The following FTSJ3 variants were observed in gnomAD, a reference collection of about 807,000 sequenced individuals.
FTSJ3 encodes the protein pre-rRNA 2'-O-ribose RNA methyltransferase FTSJ3.
FTSJ3 carries 46 observed loss-of-function variants against 111.5 expected under a neutral mutation model. That is an observed-to-expected ratio of 0.41 (90% CI 0.33 to 0.53). FTSJ3 has a LOEUF of 0.53. Ranked by LOEUF, FTSJ3 falls within the 20% of genes least tolerant of loss-of-function variation. The pLI is 0.19. For missense variants in FTSJ3, 1,075 were observed against 1,063.8 expected, an observed-to-expected ratio of 1.01 and a Z score of -0.15; for synonymous variants, 408 against 383.0, an observed-to-expected ratio of 1.07 and a Z score of -0.76.
chr17:63,826,158 A>G (rs764616472), intron 4 of FTSJ3, 23 bp from the exon 5 acceptor site: 5 of 1,613,108 alleles, frequency 3.1e-6, no homozygotes, highest in Non-Finnish European at 4.2e-6. Context: ...AGGTCAGAGT[A>G]TTCTAAAAGG....
rs202150531 is a variant in FTSJ3 at position 63,826,155 on chromosome 17, A to C, written c.221-20T>G. On this transcript the variant is annotated intron_variant, in intron 4 of 20. Coordinates refer to ENST00000427159, the MANE Select transcript of FTSJ3 (RefSeq NM_017647.4). ...CCACTCCTGGAAGAAATCAGGTCAG[A>C]GTATTCTAAAAGGTTGCTTCAAGCA... is the stretch of plus-strand genomic sequence containing the variant. 652 of 1,613,206 alleles carry C rather than the reference A, an allele frequency of 4.0e-4. No homozygotes were observed. Among genetic ancestry groups the C allele is most frequent in the Non-Finnish European group, 5.1e-4 (598 of 1,179,232 alleles).
chr17:63,820,394 A>G lies in FTSJ3; in HGVS notation c.2117T>C (p.Val706Ala). The G allele has an allele frequency of 6.2e-7, 1 of 1,614,026 alleles. No individual in the cohort carries two copies. The highest frequency in any genetic ancestry group is 8.5e-7 in the Non-Finnish European group (1 of 1,180,028). The change falls in exon 19 of 21, where the codon GTG (valine) becomes GCG (alanine). Residue 706 changes from valine (V) to alanine (A), a missense_variant. Coordinates refer to ENST00000427159, the MANE Select transcript of FTSJ3 (RefSeq NM_017647.4). Reference protein sequence around the residue: ...EDEGELPEWFVQEEKQHRIRQ... With the variant: ...EDEGELPEWFAQEEKQHRIRQ... ...TATCCGGTGCTGCTTTTCCTCTTGC[A>G]CAAACCACTCCGGAAGCTCCCCCTC...
At chr17:63,825,499 A>G (rs758619534) in intron 6 of FTSJ3, 37 bp downstream of exon 6, 1 of 1,610,216 alleles carries the variant, frequency 6.2e-7, no homozygotes, top group Non-Finnish European at 8.5e-7. Context: ...GCCCACCTCC[A>G]CCATCACCTG....
intron 1 of FTSJ3, 23 bp from the exon 2 acceptor site, chr17:63,826,951 G>T (rs368755704): frequency 1.3e-6 from 2 of 1,494,632 alleles, no homozygotes; most frequent in African/African-American, 2.8e-5. Flanking sequence ...TAGAAGTTGG[G>T]AACGTCTCTT....
chr17:63,820,057 C>T (rs1438210282), intron 20 of FTSJ3, 22 bp downstream of exon 20: 2 of 1,614,052 alleles, frequency 1.2e-6, no homozygotes, highest in South Asian at 2.2e-5. Flanking sequence ...CCCTGTGTAC[C>T]TTTGTGGTGT....
In FTSJ3 at chr17:63,826,279, G is replaced by C. The variant is rs140700881; in HGVS notation, c.199C>G (p.Pro67Ala). 1 of 1,614,136 alleles carries C rather than the reference G, an allele frequency of 6.2e-7. No individual in the cohort carries two copies. Among genetic ancestry groups the C allele is most frequent in the East Asian group, 2.2e-5 (1 of 44,874 alleles). The part of the protein sequence containing the change: ...GWLQVAAKFM[P>A]VSSLIVGVDL... ...TCACCCACAATAAGGCTGGATACAGGCATAAACTTGGCAGCTACCTGCAGC... is the reference window on the plus strand; with the variant it reads ...TCACCCACAATAAGGCTGGATACAGCCATAAACTTGGCAGCTACCTGCAGC... The change falls in exon 4 of 21, where the codon CCT (proline) becomes GCT (alanine). Residue 67 changes from proline to alanine, a missense_variant. Around this residue, in one of 2 missense-constraint regions of FTSJ3, gnomAD observed 208 missense variants for 266.9 expected, o/e 0.78. Coordinates refer to ENST00000427159, the MANE Select transcript of FTSJ3 (RefSeq NM_017647.4).
In FTSJ3 at chr17:63,824,658, A is replaced by G. The variant is rs768334485; in HGVS notation, c.896T>C (p.Val299Ala). The G allele has an allele frequency of 3.3e-5, 53 of 1,613,056 alleles. No homozygotes were observed. Among genetic ancestry groups the G allele is most frequent in the Non-Finnish European group, 4.3e-5 (51 of 1,179,734 alleles). ...DIRVCCQDIRVLGRKELRSLL... is the reference protein window; with the variant it reads ...DIRVCCQDIRALGRKELRSLL... ...ATACCTGAGCTCCTTGCGCCCCAAC[A>G]CTCTGATGTCCTGACAGCACACCCG... is the stretch of plus-strand genomic sequence containing the variant. Residue 299 changes from valine to alanine, a missense_variant, in exon 10 of 21, where the codon GTG (valine) becomes GCG (alanine). By Grantham distance (64) the Val-to-Ala change is moderately conservative (BLOSUM62 0). This residue lies in a region of FTSJ3 where 867 missense variants were observed against 796.9 expected (regional missense o/e 1.09). Coordinates refer to ENST00000427159, the MANE Select transcript of FTSJ3 (RefSeq NM_017647.4).
Position 63,823,848 on chromosome 17 carries a change from A to G in FTSJ3, c.1259T>C (p.Met420Thr), listed in dbSNP as rs560652403. The change falls in exon 13 of 21, where the codon ATG (methionine) becomes ACG (threonine). Residue 420 changes from methionine (M) to threonine (T), a missense_variant. Met to Thr is a moderately conservative substitution (Grantham distance 81, BLOSUM62 -1). Around this residue, in one of 2 missense-constraint regions of FTSJ3, gnomAD observed 867 missense variants for 796.9 expected, o/e 1.09. Coordinates refer to ENST00000427159, the MANE Select transcript of FTSJ3 (RefSeq NM_017647.4). ...VSIADEGETGMFSLSTIRGHQ... is the reference protein window; with the variant it reads ...VSIADEGETGTFSLSTIRGHQ... Reference sequence around the variant, plus strand: ...ACCCCGGATGGTGCTCAAGGAGAACATGCCAGTCTCCCCCTCGTCTGCAAT... The same window carrying G: ...ACCCCGGATGGTGCTCAAGGAGAACGTGCCAGTCTCCCCCTCGTCTGCAAT... 6.2e-7 allele frequency: 1 copy of G among 1,614,098 alleles called. No individual in the cohort carries two copies. Among genetic ancestry groups the G allele is most frequent in the Non-Finnish European group, 8.5e-7 (1 of 1,180,008 alleles).
At chr17:63,826,710 G>A in intron 2 of FTSJ3, 38 bp from the exon 3 acceptor site, 2 of 1,579,002 alleles carry the variant, frequency 1.3e-6, no homozygotes, top group South Asian at 1.1e-5. Context: ...TGCTTCACTA[G>A]TAGGATTTCT....
chr17:63,821,160 ACTC>A lies in FTSJ3; in HGVS notation c.1887-48_1887-46del, dbSNP rs754809157. 5 of 1,595,520 alleles carry A rather than the reference ACTC, an allele frequency of 3.1e-6. No homozygotes were observed. In the East Asian group the frequency reaches 1.1e-4, roughly 36 times the overall value. On this transcript the variant is annotated intron_variant, in intron 16 of 20. Coordinates refer to ENST00000427159, the MANE Select transcript of FTSJ3 (RefSeq NM_017647.4). ...CTGAGTGATTCCACCACTCTGTACT[ACTC>A]AGACCGCACTCCCACGGAATTTGCA...
intron 16 of FTSJ3, 71 bp downstream of exon 16, chr17:63,821,283 A>G (rs1598348763): frequency 6.5e-7 from 1 of 1,532,622 alleles, no homozygotes; most frequent in African/African-American, 1.4e-5. Context: ...AAGATTAAGA[A>G]CCCCCAATTT....
At position 63,822,089 on chromosome 17, in the gene FTSJ3, A is replaced by G. The variant is rs1458685970; in HGVS notation, c.1370T>C (p.Val457Ala). Residue 457 changes from valine (V) to alanine (A), a missense_variant, in exon 14 of 21, where the codon GTG becomes GCG. Val to Ala is a moderately conservative substitution (Grantham distance 64). Coordinates refer to ENST00000427159, the MANE Select transcript of FTSJ3 (RefSeq NM_017647.4). ...LSDLPRDDIY[V>A]SDVEDDGDDT... ...ATCACCGTCGTCCTCAACATCTGAC[A>G]CATAGATATCATCCCTTGGCAGATC... 19 of 1,614,230 alleles carry G rather than the reference A, an allele frequency of 1.2e-5. No homozygotes were observed. Among genetic ancestry groups the G allele is most frequent in the Admixed American group, 1.2e-4 (7 of 60,024 alleles).
Position 63,825,035 on chromosome 17 carries a change from C to T in FTSJ3, c.711+13G>A. On this transcript the variant is annotated intron_variant, in intron 8 of 20. Transcript: ENST00000427159. ...TCCAGGACCCAAGAGTGACCCCATT[C>T]CCCAAAACACACCTTTGGCTTCTTC... The T allele has an allele frequency of 6.2e-7, 1 of 1,610,818 alleles. No individual in the cohort carries two copies. Among genetic ancestry groups the T allele is most frequent in the Non-Finnish European group, 8.5e-7 (1 of 1,176,974 alleles).
intron 10 of FTSJ3, 97 bp from the exon 11 acceptor site, chr17:63,824,508 C>T (rs2144608311): frequency 6.7e-7 from 1 of 1,491,198 alleles, no homozygotes; most frequent in African/African-American, 1.4e-5. Context: ...GCTTCGGCTA[C>T]ATAAATCAAA....
chr17:63,825,086 T>C lies in FTSJ3; in HGVS notation c.673A>G (p.Lys225Glu), dbSNP rs754698381. Residue 225 changes from lysine (K) to glutamate (E), a missense_variant, in exon 8 of 21, where the codon AAG becomes GAG. Physicochemically the swap from Lys to Glu is moderately conservative, Grantham distance 56. Transcript: ENST00000427159. ...TTAGTAACCAATTCAGTAACGGTCT[T>C]AGCCTGAACTTCAACCTCCTTAAAG... ...FAFKEVEVQA[K>E]TVTELVTKKK... 11 of 1,614,078 alleles carry C rather than the reference T, an allele frequency of 6.8e-6. No homozygotes were observed. In the Admixed American group the frequency reaches 1.7e-4, roughly 24 times the overall value.
chr17:63,820,485 T>TA, intron 18 of FTSJ3, 47 bp from the exon 19 acceptor site: 1 of 1,589,272 alleles, frequency 6.3e-7, no homozygotes, highest in Admixed American at 1.7e-5. Flanking sequence ...CCAGGCTTTC[T>TA]AAAGAAATTA....
chr17:63,819,861 T>C lies in FTSJ3; in HGVS notation c.2485A>G (p.Lys829Glu). The C allele has an allele frequency of 6.2e-7, 1 of 1,614,184 alleles. No homozygotes were observed. Among genetic ancestry groups the C allele is most frequent in the Non-Finnish European group, 8.5e-7 (1 of 1,180,036 alleles). The part of the protein sequence containing the change: ...GHFKVVDSRM[K>E]KDQRAQQRKE... The stretch of plus-strand genomic sequence containing the variant: ...CGTTGCTGTGCTCTTTGGTCCTTCT[T>C]CATCCTTGAGTCCACCACCTTGAAA... Residue 829 changes from lysine to glutamate, a missense_variant, in exon 21 of 21, where the codon AAG becomes GAG. Physicochemically the swap from Lys to Glu is moderately conservative, Grantham distance 56 (BLOSUM62 1). Transcript: ENST00000427159.
At position 63,826,887 on chromosome 17, in the gene FTSJ3, TG is replaced by T; in HGVS notation, c.15del (p.Val7LeufsTer26). The T allele has an allele frequency of 6.2e-7, 1 of 1,614,098 alleles. No homozygotes were observed. The highest frequency in any genetic ancestry group is 8.5e-7 in the Non-Finnish European group (1 of 1,179,998). On this transcript the variant is annotated frameshift_variant, in exon 2 of 21. Transcript: ENST00000427159. LOFTEE classifies it high-confidence loss of function. MGKK[G>X]KVGKSRRDKF... The stretch of plus-strand genomic sequence containing the variant: ...TTGTCTCGTCGGCTCTTGCCAACTT[TG>T]CCCTTCTTGCCCATGGTGGAAAGGG...
chr17:63,822,140 A>G lies in FTSJ3; in HGVS notation c.1319T>C (p.Met440Thr), dbSNP rs377754710. 7 of 1,614,020 alleles carry G rather than the reference A, an allele frequency of 4.3e-6. No individual in the cohort carries two copies. The African/African-American group carries it at 5.3e-5, about 12-fold the overall frequency. ...QLLEEVTQGD[M>T]SAADTFLSDL... ...GGACAGAAATGTGTCTGCTGCACTC[A>G]TATCCCCTTGTGTTACTTCCTCTAA... Residue 440 changes from methionine to threonine, a missense_variant, in exon 14 of 21, where the codon ATG becomes ACG. This residue lies in a region of FTSJ3 where 867 missense variants were observed against 796.9 expected (regional missense o/e 1.09). Coordinates refer to ENST00000427159, the MANE Select transcript of FTSJ3 (RefSeq NM_017647.4).
Sources: gnomAD v4.1 joint callset for allele counts on GRCh38, gnomAD v4.1.1 for gene constraint, gnomAD v4.1.1 regional missense constraint, MANE v1.5 for transcripts, NCBI Gene and HGNC (gene_info 2026-07-23, HGNC 2026-07-21) for gene names.